Variants in PCSK6 observed in about 807,000 individuals in gnomAD.
The protein encoded by PCSK6 is paired basic amino acid cleaving enzyme 4.
Under a neutral mutation model 123.3 loss-of-function variants are expected in PCSK6, and 85 were observed. The observed-to-expected ratio is 0.69, with a 90% CI of 0.58 to 0.83. The LOEUF is 0.83. PCSK6 is among the 40% of genes least tolerant of loss of function. The pLI, the probability that PCSK6 is intolerant of heterozygous loss-of-function variation, is 0.00. For missense variants in PCSK6, 1,191 were observed against 1,282.3 expected (o/e 0.93, Z 1.09); for synonymous variants, 508 against 516.0 (o/e 0.98, Z 0.21).
At chr15:101,436,296 C>A (rs1375566944) in intron 2 of PCSK6, among the ~76,000 whole-genome samples, 2 of 152,132 alleles carry the variant, frequency 1.3e-5, no homozygotes, top group Non-Finnish European at 2.9e-5. Context: ...CCCAGCGGTC[C>A]AGGGGTCCCA....
At chr15:101,390,841 A>G (rs1476470415) in intron 8 of PCSK6, among the ~76,000 whole-genome samples, 2 of 152,220 alleles carry the variant, frequency 1.3e-5, no homozygotes, top group Admixed American at 6.5e-5. Flanking sequence ...ACCATGAGAT[A>G]TCAATTTGTG....
intron 1 of PCSK6, 73 bp from the exon 2 acceptor site, chr15:101,443,733 G>C: frequency 2.8e-6 from 3 of 1,062,828 alleles, no homozygotes; most frequent in Admixed American, 3.4e-5. Flanking sequence ...CACCCCACAA[G>C]AATCTCCCCC....
At chr15:101,359,586 T>C (rs73495305) in intron 13 of PCSK6, among the ~76,000 whole-genome samples, 2,712 of 152,350 alleles carry the variant, frequency 0.018, 52 homozygotes, top group African/African-American at 0.042. Context: ...AGGCTGCAGA[T>C]GGCAAGCCCA....
intron 8 of PCSK6, among the ~76,000 whole-genome samples, chr15:101,392,593 C>CTTT (rs10525638): frequency 0.11 from 13,229 of 122,300 alleles, 983 homozygotes; most frequent in Non-Finnish European, 0.13. Flanking sequence ...CTCCCTTCCT[C>CTTT]TTTTTTTTTT....
At chr15:101,436,281 C>A (rs1256526768) in intron 2 of PCSK6, among the ~76,000 whole-genome samples, 1 of 152,122 alleles carries the variant, frequency 6.6e-6, no homozygotes, top group Non-Finnish European at 1.5e-5. Flanking sequence ...ACACAGGCAC[C>A]CTCCCCCAGC....
rs1243795011 is a variant in PCSK6 at position 101,393,210 on chromosome 15, AC to A, written c.1209+1del. ...GCACTCCAACTTGCCAAGAGAACTT[AC>A]GATTTTTCGCTCATAAAAGGCCCCA... On this transcript the variant is annotated splice_donor_variant, in intron 8 of 21. Coordinates refer to ENST00000611716, the MANE Select transcript of PCSK6 (RefSeq NM_002570.5). LOFTEE classifies it high-confidence loss of function. The A allele has an allele frequency of 1.2e-6, 2 of 1,610,900 alleles. No individual in the cohort carries two copies. Among genetic ancestry groups the A allele is most frequent in the Non-Finnish European group, 8.5e-7 (1 of 1,178,228 alleles).
chr15:101,335,209 G>A (rs1022983673), intron 13 of PCSK6, among the ~76,000 whole-genome samples: 4 of 152,098 alleles, frequency 2.6e-5, no homozygotes, highest in African/African-American at 7.2e-5. Flanking sequence ...ATCCTCCCAC[G>A]TTGGCCTCCC....
chr15:101,388,112 G>A (rs2042123092), intron 9 of PCSK6, among the ~76,000 whole-genome samples: 1 of 152,208 alleles, frequency 6.6e-6, no homozygotes, highest in African/African-American at 2.4e-5. Context: ...AGGAATGGAG[G>A]AAAATACAGC....
intron 20 of PCSK6, chr15:101,312,940 G>C (rs2039900613): frequency 1.4e-6 from 1 of 701,470 alleles, no homozygotes; most frequent in African/African-American, 1.9e-5. Flanking sequence ...CAGAGGCAGA[G>C]GTTGCAGTGA....
At chr15:101,388,741 G>T (rs564787853) in intron 9 of PCSK6, among the ~76,000 whole-genome samples, 1 of 152,142 alleles carries the variant, frequency 6.6e-6, no homozygotes, top group Non-Finnish European at 1.5e-5. Flanking sequence ...ATTTTGATAC[G>T]TTCTACAAAC....
At chr15:101,488,529 G>T (rs576168623) in intron 1 of PCSK6, among the ~76,000 whole-genome samples, 28 of 152,282 alleles carry the variant, frequency 1.8e-4, no homozygotes, top group African/African-American at 6.7e-4. Context: ...GCCGGTGAGG[G>T]TCAGGCCCCG....
rs115243544 is a variant in PCSK6 at position 101,458,180 on chromosome 15, T to G, written c.298-14520A>C. ...ACAGTAAAGACCTATGTGACTGCCA[T>G]GTGCACTATCTCAGCAAACAACCAG... On this transcript the variant is annotated intron_variant, in intron 1 of 21. Coordinates refer to ENST00000611716, the MANE Select transcript of PCSK6 (RefSeq NM_002570.5). 4.3e-3 allele frequency among the ~76,000 whole-genome samples: 659 copies of G among 152,338 alleles called. 6 individuals carry two copies. Among genetic ancestry groups the G allele is most frequent in the East Asian group, 0.021 (111 of 5,184 alleles).
chr15:101,344,985 G>A (rs1193526221), intron 13 of PCSK6, among the ~76,000 whole-genome samples: 4 of 152,240 alleles, frequency 2.6e-5, no homozygotes, highest in African/African-American at 9.6e-5. Context: ...GGGGAGCAAC[G>A]AGTCTGTATG....
chr15:101,415,600 T>C (rs946378812), intron 6 of PCSK6, among the ~76,000 whole-genome samples: 2 of 152,184 alleles, frequency 1.3e-5, no homozygotes, highest in African/African-American at 4.8e-5. Context: ...TCAATGAGCA[T>C]AGAATAAAAA....
intron 13 of PCSK6, among the ~76,000 whole-genome samples, chr15:101,351,556 C>A (rs2040891157): frequency 6.6e-6 from 1 of 152,176 alleles, no homozygotes; most frequent in Non-Finnish European, 1.5e-5. Context: ...TGAAAGCAGT[C>A]TCTGAGAATC....
chr15:101,474,491 C>T (rs1483706808), intron 1 of PCSK6, among the ~76,000 whole-genome samples: 1 of 152,200 alleles, frequency 6.6e-6, no homozygotes, highest in Non-Finnish European at 1.5e-5. Context: ...GGCTTTGAGC[C>T]AGCATCCAAT....
intron 6 of PCSK6, among the ~76,000 whole-genome samples, chr15:101,410,971 GA>G (rs1180520025): frequency 6.6e-6 from 1 of 152,232 alleles, no homozygotes; most frequent in African/African-American, 2.4e-5. Context: ...GCACCACAGT[GA>G]AAAGACTCAA....
intron 15 of PCSK6, among the ~76,000 whole-genome samples, chr15:101,330,744 A>G (rs931316009): frequency 5.3e-5 from 8 of 152,256 alleles, no homozygotes; most frequent in African/African-American, 1.9e-4. Flanking sequence ...GCAGATTTTA[A>G]GAAAAAAATC....
At chr15:101,350,142 G>A (rs1021075935) in intron 13 of PCSK6, among the ~76,000 whole-genome samples, 2 of 152,024 alleles carry the variant, frequency 1.3e-5, no homozygotes, top group East Asian at 1.9e-4. Flanking sequence ...TCCTGACCTC[G>A]TGATCCACCT....
Sources: allele counts gnomAD v4.1 joint callset (sites outside exome capture counted in the v4.1 genomes callset), GRCh38; gene constraint gnomAD v4.1.1; transcripts MANE v1.5; gene names NCBI Gene and HGNC (gene_info 2026-07-23, HGNC 2026-07-21).